Variants in SLC7A6 observed in about 807,000 individuals in gnomAD.
SLC7A6 encodes Y+L amino acid transporter 2.
A neutral mutation model predicts 46.6 loss-of-function variants in SLC7A6; 29 were observed. The ratio of observed to expected loss-of-function variants is 0.62; its 90% CI spans 0.46 to 0.85. The LOEUF (loss-of-function observed/expected upper bound fraction) is 0.85, where lower values mean the gene tolerates loss of function less well. Ranked by LOEUF, SLC7A6 falls within the 40% of genes least tolerant of loss-of-function variation. The pLI is 0.00. For synonymous variants in SLC7A6, 276 were observed against 257.3 expected (o/e 1.07, Z -0.70); for missense variants, 527 against 647.6 (o/e 0.81, Z 2.02).
intron 3 of SLC7A6, among the ~76,000 whole-genome samples, chr16:68,286,648 G>C (rs1388130776): frequency 6.6e-6 from 1 of 152,218 alleles, no homozygotes; most frequent in African/African-American, 2.4e-5. Context: ...CCATGGATCA[G>C]TCATTGTTTA....
chr16:68,294,620 T>G, intron 7 of SLC7A6, 85 bp from the exon 8 acceptor site: 63 of 978,684 alleles, frequency 6.4e-5, no homozygotes, highest in Non-Finnish European at 9.6e-5. Context: ...TCGGGGGCTC[T>G]GAGCTGAGTT....
In SLC7A6 at chr16:68,274,767, A is replaced by G. The variant is rs749766168; in HGVS notation, c.41A>G (p.His14Arg). Residue 14 changes from histidine to arginine, a missense_variant, in exon 3 of 11, where the codon CAT (histidine) becomes CGT (arginine). His to Arg is a conservative substitution (Grantham distance 29). Transcript: ENST00000219343. The stretch of plus-strand genomic sequence containing the variant: ...CCTGGGAGGCCCACACCCACCTACC[A>G]TCTTGTCCCTAACACCAGCCAGTCC... ...REPGRPTPTY[H>R]LVPNTSQSQV... 12 of 1,614,226 alleles carry G rather than the reference A, an allele frequency of 7.4e-6. No homozygotes were observed. Among genetic ancestry groups the G allele is most frequent in the South Asian group, 2.2e-5 (2 of 91,090 alleles).
At chr16:68,286,013 T>G (rs939960194) in intron 3 of SLC7A6, among the ~76,000 whole-genome samples, 1 of 148,500 alleles carries the variant, frequency 6.7e-6, no homozygotes, top group East Asian at 2.0e-4. Context: ...GGAAGATCAC[T>G]TGAGCCCTGG....
rs2043196616 is a variant in SLC7A6, at chr16:68,297,606, A to G, written c.*278A>G. On this transcript the variant is annotated 3_prime_UTR_variant, in exon 11 of 11. Coordinates refer to ENST00000219343, the MANE Select transcript of SLC7A6 (RefSeq NM_003983.6). ...TGATAGGTAGATGCAGCTCTTACAG[A>G]TATTTACTTGGTAAAGTGCAGTGGG... 2 of 336,950 alleles carry G rather than the reference A, an allele frequency of 5.9e-6. No individual in the cohort carries two copies. Among genetic ancestry groups the G allele is most frequent in the African/African-American group, 2.2e-5 (1 of 46,308 alleles). The allele number at this position is 336,950 out of a possible 1,614,324, so 20.9% of individuals were successfully genotyped here.
chr16:68,296,667 T>C lies in SLC7A6; in HGVS notation c.1310T>C (p.Val437Ala), dbSNP rs1320515147. The C allele has an allele frequency of 6.2e-7, 1 of 1,614,212 alleles. No homozygotes were observed. Residue 437 changes from valine (V) to alanine (A), a missense_variant, in exon 10 of 11, where the codon GTG becomes GCG. By Grantham distance (64) the Val-to-Ala change is moderately conservative. Transcript: ENST00000219343. The part of the protein sequence containing the change: ...FFPIVFCICS[V>A]FLVIVPLFTD... ...CCCATCGTGTTCTGCATATGCTCCG[T>C]GTTTCTGGTGATAGTGCCCCTCTTC...
intron 10 of SLC7A6, 45 bp downstream of exon 10, chr16:68,296,855 A>C (rs2043179899): frequency 6.2e-7 from 1 of 1,600,974 alleles, no homozygotes; most frequent in Non-Finnish European, 8.5e-7. Flanking sequence ...CTATGTGTGC[A>C]TGCGCATGCA....
At chr16:68,290,898 A>T in intron 5 of SLC7A6, 1 of 477,550 alleles carries the variant, frequency 2.1e-6, no homozygotes. Context: ...CCAGCCTGGC[A>T]TCCAGTCCCC....
intron 2 of SLC7A6, among the ~76,000 whole-genome samples, chr16:68,269,910 G>A (rs886846056): frequency 3.9e-5 from 6 of 152,138 alleles, no homozygotes; most frequent in African/African-American, 1.4e-4. Flanking sequence ...TGGGGCTATA[G>A]GCGTGTGCCA....
At chr16:68,293,059 C>A (rs180942296) in intron 7 of SLC7A6, among the ~76,000 whole-genome samples, 3 of 152,122 alleles carry the variant, frequency 2.0e-5, no homozygotes, top group Non-Finnish European at 4.4e-5. Flanking sequence ...TTTCACACAC[C>A]AGTCCATGTG....
At chr16:68,270,233 TG>T (rs1279127203) in intron 2 of SLC7A6, among the ~76,000 whole-genome samples, 2 of 152,128 alleles carry the variant, frequency 1.3e-5, no homozygotes, top group Non-Finnish European at 2.9e-5. Context: ...TTTGTTTCCC[TG>T]GGTCTTGGGA....
At chr16:68,274,587 T>A in intron 2 of SLC7A6, 104 bp from the exon 3 acceptor site, 1 of 916,424 alleles carries the variant, frequency 1.1e-6, no homozygotes. Context: ...TAGGGCTGTG[T>A]GCATGGCATG....
Position 68,297,371 on chromosome 16 carries a change from A to C in SLC7A6, c.*43A>C, listed in dbSNP as rs763819743. 1 of 1,544,688 alleles carries C rather than the reference A, an allele frequency of 6.5e-7. No individual in the cohort carries two copies. The highest frequency in any genetic ancestry group is 8.9e-7 in the Non-Finnish European group (1 of 1,120,684). On this transcript the variant is annotated 3_prime_UTR_variant, in exon 11 of 11. Coordinates refer to ENST00000219343, the MANE Select transcript of SLC7A6 (RefSeq NM_003983.6). ...CTGAGGCCTGGAAGGCAGGCCAACC[A>C]GCAAAATCCTGATAACAAGACTCTG...
chr16:68,292,685 G>C (rs927776179), intron 7 of SLC7A6: 5 of 152,170 alleles, frequency 3.3e-5, no homozygotes, highest in African/African-American at 1.2e-4. Flanking sequence ...GGGCTTGTGA[G>C]ACAGCAGTCT....
intron 3 of SLC7A6, among the ~76,000 whole-genome samples, chr16:68,277,256 T>C (rs1195705663): frequency 1.3e-5 from 2 of 150,748 alleles, no homozygotes; most frequent in African/African-American, 4.9e-5. Flanking sequence ...CCAGCTAATT[T>C]TTGTATTTTT....
At chr16:68,288,009 A>T in intron 4 of SLC7A6, 138 bp downstream of exon 4, 1 of 1,311,356 alleles carries the variant, frequency 7.6e-7, no homozygotes, top group South Asian at 1.6e-5. Flanking sequence ...AGATGGGAGT[A>T]GATTTCTTTC....
intron 3 of SLC7A6, among the ~76,000 whole-genome samples, chr16:68,281,009 A>C (rs2042820321): frequency 6.6e-6 from 1 of 152,180 alleles, no homozygotes; most frequent in African/African-American, 2.4e-5. Flanking sequence ...CTGGGATTAC[A>C]GGCGTGACCC....
chr16:68,290,280 C>G (rs1387179105), intron 4 of SLC7A6, 116 bp from the exon 5 acceptor site: 1 of 1,058,490 alleles, frequency 9.4e-7, no homozygotes, highest in Non-Finnish European at 1.3e-6. Context: ...TTTCATCTTC[C>G]CTTCCTCTTT....
At chr16:68,295,985 C>T (rs949848794) in intron 8 of SLC7A6, among the ~76,000 whole-genome samples, 4 of 152,268 alleles carry the variant, frequency 2.6e-5, no homozygotes, top group African/African-American at 4.8e-5. Context: ...GTTCTGAAGG[C>T]GTTTCCCCCA....
chr16:68,293,166 A>G (rs1409098629), intron 7 of SLC7A6, among the ~76,000 whole-genome samples: 1 of 152,224 alleles, frequency 6.6e-6, no homozygotes, highest in Non-Finnish European at 1.5e-5. Flanking sequence ...CTGTAATCCC[A>G]GCACTTTGGG....
Sources: allele counts gnomAD v4.1 joint callset (sites outside exome capture counted in the v4.1 genomes callset), GRCh38; gene constraint gnomAD v4.1.1; transcripts MANE v1.5; gene names NCBI Gene and HGNC (gene_info 2026-07-23, HGNC 2026-07-21).